BMP5: variants seen among roughly 807,000 people sequenced by gnomAD.
BMP5 encodes the protein bone morphogenetic protein 5.
In BMP5, 23 loss-of-function variants were observed where a neutral mutation model predicts 46.6. The observed-to-expected ratio is 0.49, with a 90% CI of 0.35 to 0.70. BMP5 has a LOEUF of 0.70. BMP5 is among the 30% of genes least tolerant of loss of function. BMP5 has a pLI of 0.00. For synonymous variants in BMP5, 204 were observed against 191.9 expected (o/e 1.06, Z -0.52); for missense variants, 545 against 565.6 (o/e 0.96, Z 0.37).
intron 1 of BMP5, among the ~76,000 whole-genome samples, chr6:55,826,677 A>G (rs1222235639): frequency 6.6e-6 from 1 of 151,410 alleles, no homozygotes; most frequent in African/African-American, 2.4e-5. Context: ...AAAATTATAT[A>G]TTTAATAATT....
Position 55,768,031 on chromosome 6 carries a change from G to T in BMP5, c.1027+6018C>A, listed in dbSNP as rs1446596064. Among the ~76,000 whole-genome samples the T allele has an allele frequency of 2.0e-5, 3 of 151,694 alleles. No individual in the cohort carries two copies. The East Asian group carries it at 5.8e-4, about 29-fold the overall frequency. The stretch of plus-strand genomic sequence containing the variant: ...CATATTAAGGTAATCTATTATGTAT[G>T]GATTAGGTAAACAAGGGAGAACTTT... On this transcript the variant is annotated intron_variant, in intron 4 of 6. Transcript: ENST00000370830.
chr6:55,766,950 T>C (rs1054261065), intron 4 of BMP5, among the ~76,000 whole-genome samples: 2 of 152,030 alleles, frequency 1.3e-5, no homozygotes, highest in African/African-American at 4.8e-5. Flanking sequence ...GGCCATATAG[T>C]TAATATAGTG....
At chr6:55,756,611 G>A (rs903688947) in intron 6 of BMP5, among the ~76,000 whole-genome samples, 23 of 151,838 alleles carry the variant, frequency 1.5e-4, no homozygotes, top group African/African-American at 5.3e-4. Flanking sequence ...TCCACAAAAA[G>A]CAAATACAGC....
rs72868833 is a variant in BMP5 at position 55,755,304 on chromosome 6, T to C, written c.*229A>G. 20,576 of 452,948 alleles carry C rather than the reference T, an allele frequency of 0.045. 593 individuals carry two copies. The highest frequency in any genetic ancestry group is 0.061 in the Non-Finnish European group (15,405 of 251,926). 28.1% of individuals were successfully genotyped at this position (452,948 alleles called of 1,614,324 possible). ...GAAAATTATACTAGATGATCTATTG[T>C]ATAATGTAGTGGCCTATGAAATAGA... On this transcript the variant is annotated 3_prime_UTR_variant, in exon 7 of 7. Coordinates refer to ENST00000370830, the MANE Select transcript of BMP5 (RefSeq NM_021073.4).
At chr6:55,767,928 C>A (rs1774954180) in intron 4 of BMP5, among the ~76,000 whole-genome samples, 1 of 151,868 alleles carries the variant, frequency 6.6e-6, no homozygotes, top group South Asian at 2.1e-4. Context: ...ATATATAATT[C>A]ATGTAATTAA....
chr6:55,867,587 A>T (rs1360829228), intron 1 of BMP5, among the ~76,000 whole-genome samples: 7 of 152,164 alleles, frequency 4.6e-5, no homozygotes, highest in Admixed American at 3.3e-4. Flanking sequence ...AACATGTAGG[A>T]CTAGCATCAC....
intron 3 of BMP5, among the ~76,000 whole-genome samples, chr6:55,787,540 A>T (rs1171034316): frequency 6.6e-6 from 1 of 151,676 alleles, no homozygotes; most frequent in Admixed American, 6.6e-5. Context: ...TAATTTGGAA[A>T]AGAAATGTTA....
chr6:55,867,216 C>T (rs923867835), intron 1 of BMP5, among the ~76,000 whole-genome samples: 9 of 152,182 alleles, frequency 5.9e-5, no homozygotes, highest in Non-Finnish European at 1.0e-4. Context: ...GTATCCCCCC[C>T]GCTGAGTATC....
In BMP5 at chr6:55,755,571, A is replaced by G. The variant is rs181544365; in HGVS notation, c.1327T>C (p.Tyr443His). 1 of 1,611,588 alleles carries G rather than the reference A, an allele frequency of 6.2e-7. No individual in the cohort carries two copies. Among genetic ancestry groups the G allele is most frequent in the South Asian group, 1.1e-5 (1 of 90,954 alleles). ...DDSSNVILKK[Y>H]RNMVVRSCGC... The stretch of plus-strand genomic sequence containing the variant: ...CATGAGCGTACTACCATATTTCTAT[A>G]TTTTTTCAAAATGACATTGGAGCTG... The change falls in exon 7 of 7, where the codon TAT (tyrosine) becomes CAT (histidine). Residue 443 changes from tyrosine to histidine, a missense_variant. Coordinates refer to ENST00000370830, the MANE Select transcript of BMP5 (RefSeq NM_021073.4).
At chr6:55,792,535 CAAAAAAA>C (rs78969394) in intron 3 of BMP5, among the ~76,000 whole-genome samples, 10 of 74,676 alleles carry the variant, frequency 1.3e-4, no homozygotes, top group Non-Finnish European at 2.6e-4. Flanking sequence ...GACTCCGTCT[CAAAAAAA>C]AAAAAAAAAA....
At chr6:55,813,691 G>C (rs867366872) in intron 2 of BMP5, among the ~76,000 whole-genome samples, 1 of 151,594 alleles carries the variant, frequency 6.6e-6, no homozygotes, top group Non-Finnish European at 1.5e-5. Flanking sequence ...GGAGGCTGAG[G>C]CAGGAGAACA....
Position 55,875,252 on chromosome 6 carries a change from T to C in BMP5, c.-387A>G, listed in dbSNP as rs1451154306. 1.3e-5 allele frequency: 3 copies of C among 224,046 alleles called. No individual in the cohort carries two copies. Among genetic ancestry groups the C allele is most frequent in the Non-Finnish European group, 2.7e-5 (3 of 112,164 alleles). The allele number at this position is 224,046 out of a possible 1,614,324, so 13.9% of individuals were successfully genotyped here. A position where few individuals can be genotyped will look rare whatever the true frequency, so the allele number is the denominator to read the frequency against. ...AGCAAAAGTTGATCTTCTGATAAACTGTAGTTCCCAAAGTAATCTTCACTT... is the reference window on the plus strand; with the variant it reads ...AGCAAAAGTTGATCTTCTGATAAACCGTAGTTCCCAAAGTAATCTTCACTT... On this transcript the variant is annotated 5_prime_UTR_variant, in exon 1 of 7. Transcript: ENST00000370830.
rs1039066744 is a variant in BMP5, at chr6:55,754,536, T to C, written c.*997A>G. On this transcript the variant is annotated 3_prime_UTR_variant, in exon 7 of 7. Transcript: ENST00000370830. The stretch of plus-strand genomic sequence containing the variant: ...ATTTCCTCCAGTTTAGTTTCAGTGC[T>C]TTTACTTCTAAATAAAATCCCTTGC... The C allele has an allele frequency of 6.6e-6, 1 of 151,988 alleles. No homozygotes were observed. The highest frequency in any genetic ancestry group is 2.4e-5 in the African/African-American group (1 of 41,432). The allele number at this position is 151,988 out of a possible 1,614,324, so 9.4% of individuals were successfully genotyped here. A position where few individuals can be genotyped will look rare whatever the true frequency, so the allele number is the denominator to read the frequency against.
intron 2 of BMP5, among the ~76,000 whole-genome samples, chr6:55,814,021 T>C (rs1387156830): frequency 6.6e-6 from 1 of 152,170 alleles, no homozygotes; most frequent in Non-Finnish European, 1.5e-5. Flanking sequence ...ACTTCTCAAA[T>C]GTATTTTAAA....
intron 3 of BMP5, among the ~76,000 whole-genome samples, chr6:55,785,206 G>A (rs1225729190): frequency 4.0e-5 from 6 of 151,758 alleles, no homozygotes; most frequent in Admixed American, 1.3e-4. Flanking sequence ...ATTGATATTG[G>A]CAAAAGGTAT....
intron 1 of BMP5, among the ~76,000 whole-genome samples, chr6:55,866,401 C>T (rs1777640725): frequency 6.6e-6 from 1 of 152,114 alleles, no homozygotes; most frequent in Non-Finnish European, 1.5e-5. Flanking sequence ...AGACAATAAT[C>T]CCTATCTACC....
chr6:55,758,891 GT>G, intron 6 of BMP5, 113 bp downstream of exon 6: 1 of 799,628 alleles, frequency 1.3e-6, no homozygotes, highest in Non-Finnish European at 2.2e-6. Flanking sequence ...AAACAAATGA[GT>G]TTGAGAAGAT....
intron 3 of BMP5, among the ~76,000 whole-genome samples, chr6:55,775,095 G>A (rs1223578410): frequency 6.6e-6 from 1 of 151,846 alleles, no homozygotes; most frequent in Non-Finnish European, 1.5e-5. Flanking sequence ...ACCCTTATGT[G>A]TTCTTTGATG....
At chr6:55,824,411 T>G (rs1776482188) in intron 1 of BMP5, among the ~76,000 whole-genome samples, 1 of 151,988 alleles carries the variant, frequency 6.6e-6, no homozygotes, top group Admixed American at 6.6e-5. Context: ...TACCAGTATT[T>G]CCAGTAAAAT....
Sources: allele counts gnomAD v4.1 joint callset (sites outside exome capture counted in the v4.1 genomes callset), GRCh38; gene constraint gnomAD v4.1.1; transcripts MANE v1.5; gene names NCBI Gene and HGNC (gene_info 2026-07-23, HGNC 2026-07-21).